The following PKD1L1 variants were observed in gnomAD, a reference collection of about 807,000 sequenced individuals.
PKD1L1 encodes the protein polycystin-1-like protein 1.
Under a neutral mutation model 323.4 loss-of-function variants are expected in PKD1L1, and 236 were observed. The observed-to-expected ratio is 0.73, with a 90% CI of 0.66 to 0.81. PKD1L1 has a LOEUF of 0.81. Ranked by LOEUF, PKD1L1 falls within the 40% of genes least tolerant of loss-of-function variation. The pLI, the probability that PKD1L1 is intolerant of heterozygous loss-of-function variation, is 0.00. For missense variants in PKD1L1, 3,320 were observed against 3,508.0 expected (o/e 0.95, Z 1.35); for synonymous variants, 1,344 against 1,335.0 (o/e 1.01, Z -0.15).
chr7:47,877,384 G>T, intron 22 of PKD1L1, 105 bp downstream of exon 22: 7 of 1,458,484 alleles, frequency 4.8e-6, no homozygotes, highest in Non-Finnish European at 6.6e-6. Flanking sequence ...TCCTTCACAG[G>T]TGGGAAGGAC....
intron 20 of PKD1L1, among the ~76,000 whole-genome samples, chr7:47,881,230 C>T (rs569451960): frequency 4.6e-5 from 7 of 152,052 alleles, no homozygotes; most frequent in Admixed American, 3.3e-4. Flanking sequence ...AACTGCTGAC[C>T]GTGGTGACTG....
chr7:47,823,202 T>C (rs980792105), intron 45 of PKD1L1, among the ~76,000 whole-genome samples: 1 of 152,224 alleles, frequency 6.6e-6, no homozygotes, highest in African/African-American at 2.4e-5. Flanking sequence ...CGAGTTTTCA[T>C]AGATACCCTT....
In PKD1L1 at chr7:47,941,117, C is replaced by G. The variant is rs568595304; in HGVS notation, c.161-800G>C. ...TGCCTTGGGTGCAAGAGCTGCTTTC[C>G]CTGAAGCCCCCACCCCTCTCATCCC... On this transcript the variant is annotated intron_variant, in intron 2 of 56. Transcript: ENST00000289672. 4.6e-5 allele frequency among the ~76,000 whole-genome samples: 7 copies of G among 152,328 alleles called. No individual in the cohort carries two copies. The South Asian group carries it at 1.4e-3, about 32-fold the overall frequency.
intron 2 of PKD1L1, among the ~76,000 whole-genome samples, chr7:47,941,893 A>G (rs1787992876): frequency 6.6e-6 from 1 of 152,280 alleles, no homozygotes; most frequent in African/African-American, 2.4e-5. Flanking sequence ...AAAGTATGTC[A>G]CAAAAGGAGA....
At chr7:47,958,659 G>C in the PKD1L1 span, among the ~76,000 whole-genome samples, 13 of 152,308 alleles carry the variant, frequency 8.5e-5, no homozygotes, top group African/African-American at 3.1e-4. Context: ...ACAACCTATA[G>C]AATGGGAGAA....
rs6463451 is a variant in PKD1L1 at position 47,830,153 on chromosome 7, C to T, written c.6474-29G>A. On this transcript the variant is annotated intron_variant, in intron 42 of 56. Transcript: ENST00000289672. The stretch of plus-strand genomic sequence containing the variant: ...CCCCCAGGGAAAGTGCAGTGGTCAG[C>T]CCCCTCTAAGGGAGCAGGCCACCCA... The T allele has an allele frequency of 0.42, 676,530 of 1,598,396 alleles. 146,857 individuals carry two copies. The highest frequency in any genetic ancestry group is 0.64 in the East Asian group (28,600 of 44,704).
Position 47,899,955 on chromosome 7 carries a change from C to CA in PKD1L1, c.2065-1762dup, listed in dbSNP as rs10639721. ...TAGGCAACAGAGCGAGACTCCATCC[C>CA]AAAAAAAAAAAAAATCGGAAAGGGA... is the stretch of plus-strand genomic sequence containing the variant. On this transcript the variant is annotated intron_variant, in intron 13 of 56. Transcript: ENST00000289672. 3.2e-3 allele frequency among the ~76,000 whole-genome samples: 336 copies of CA among 106,466 alleles called. 5 individuals carry two copies. The highest frequency in any genetic ancestry group is 0.014 in the South Asian group (45 of 3,228). The allele number at this position is 106,466 out of a possible 152,430, so 69.8% of individuals were successfully genotyped here. A position where few individuals can be genotyped will look rare whatever the true frequency, so the allele number is the denominator to read the frequency against.
Position 47,813,240 on chromosome 7 carries a change from G to A in PKD1L1, c.7227C>T (p.Pro2409=), listed in dbSNP as rs148228674. ...AGGGGTTCTCAGGGCCTCCAACTTCGGGACTACATGTAGGAATAGAGTCTT... is the reference window on the plus strand; with the variant it reads ...AGGGGTTCTCAGGGCCTCCAACTTCAGGACTACATGTAGGAATAGAGTCTT... ...LIEDSIPTCS[P]EVGGPENPYL... is the part of the protein sequence containing the mutation. Residue 2409 remains proline (P), a synonymous_variant, in exon 49 of 57, where the codon CCC becomes CCT. Transcript: ENST00000289672. 3.0e-5 allele frequency: 49 copies of A among 1,613,998 alleles called. No individual in the cohort carries two copies. The highest frequency in any genetic ancestry group is 1.3e-4 in the Admixed American group (8 of 60,004).
chr7:47,951,851 C>T (rs2128761249), upstream of PKD1L1, among the ~76,000 whole-genome samples: 1 of 152,326 alleles, frequency 6.6e-6, no homozygotes, highest in South Asian at 2.1e-4. Flanking sequence ...TCAATGCAAG[C>T]CCAGGTTCTG....
In PKD1L1 at chr7:47,792,756, A is replaced by T. The variant is rs761875478; in HGVS notation, c.8397T>A (p.Leu2799=). 6.2e-7 allele frequency: 1 copy of T among 1,613,878 alleles called. No homozygotes were observed. Among genetic ancestry groups the T allele is most frequent in the Non-Finnish European group, 8.5e-7 (1 of 1,179,976 alleles). ...CGGACAAACCATTAATCTTCATCAG[A>T]AGTTCGTCTAACAGATTTGCAAATT... ...LDEFANLLDE[L]LMKINGLSDS... Residue 2799 remains leucine (L), a synonymous_variant, in exon 56 of 57, where the codon CTT becomes CTA. Transcript: ENST00000289672.
Position 47,940,335 on chromosome 7 carries a change from A to AT in PKD1L1, c.161-19_161-18insA, listed in dbSNP as rs780272124. Reference sequence around the variant, plus strand: ...ATAGACCTCTAGAGAAAAAAAAAAAAGCAAACATTCTGAAGACTGCAATGT... The same window carrying AT: ...ATAGACCTCTAGAGAAAAAAAAAAAATGCAAACATTCTGAAGACTGCAATGT... On this transcript the variant is annotated intron_variant, in intron 2 of 56. Transcript: ENST00000289672. 1.3e-5 allele frequency: 21 copies of AT among 1,603,664 alleles called. No individual in the cohort carries two copies. The highest frequency in any genetic ancestry group is 3.4e-5 in the Admixed American group (2 of 58,682).
At chr7:47,835,931 A>G (rs925040053) in intron 37 of PKD1L1, among the ~76,000 whole-genome samples, 1 of 152,162 alleles carries the variant, frequency 6.6e-6, no homozygotes, top group Non-Finnish European at 1.5e-5. Context: ...TGCTCCATGG[A>G]TGGAATCATG....
chr7:47,791,112 C>G (rs1242871681), intron 56 of PKD1L1, among the ~76,000 whole-genome samples: 2 of 152,028 alleles, frequency 1.3e-5, no homozygotes, highest in African/African-American at 4.8e-5. Flanking sequence ...GTGTATATCT[C>G]TTTTCCAGTA....
rs1337439691 is a variant in PKD1L1 at position 47,789,864 on chromosome 7, T to G, written c.8526+2763A>C. Reference sequence around the variant, plus strand: ...AGTAAATACTATCCATTTTTTCTCCTCTGTATAAATCCTCTATTTTATTTT... The same window carrying G: ...AGTAAATACTATCCATTTTTTCTCCGCTGTATAAATCCTCTATTTTATTTT... On this transcript the variant is annotated intron_variant, in intron 56 of 56. Transcript: ENST00000289672. 2.0e-5 allele frequency among the ~76,000 whole-genome samples: 3 copies of G among 152,176 alleles called. No individual in the cohort carries two copies. In the East Asian group the frequency reaches 5.8e-4, roughly 29 times the overall value.
chr7:47,915,346 C>A (rs1213331791), intron 8 of PKD1L1, 86 bp downstream of exon 8: 2 of 732,534 alleles, frequency 2.7e-6, no homozygotes, highest in Admixed American at 3.9e-5. Flanking sequence ...TAATCAATGT[C>A]ATCTGTGTAA....
At chr7:47,862,168 T>A (rs1786045641) in intron 26 of PKD1L1, among the ~76,000 whole-genome samples, 2 of 151,486 alleles carry the variant, frequency 1.3e-5, no homozygotes, top group Non-Finnish European at 1.5e-5. Context: ...ACACTCCAGC[T>A]TGGGCGACAG....
intron 56 of PKD1L1, among the ~76,000 whole-genome samples, chr7:47,778,202 G>C (rs1786612417): frequency 6.6e-6 from 1 of 152,196 alleles, no homozygotes; most frequent in African/African-American, 2.4e-5. Flanking sequence ...GGTGGTGGGG[G>C]CTGATGGGGC....
chr7:47,833,029 C>T (rs369181408), intron 41 of PKD1L1, 61 bp downstream of exon 41: 2 of 1,540,196 alleles, frequency 1.3e-6, no homozygotes, highest in South Asian at 1.3e-5. Context: ...CCTGCCTCTC[C>T]CAATGGCTGC....
At chr7:47,788,578 T>TATA (rs372725570) in intron 56 of PKD1L1, among the ~76,000 whole-genome samples, 1,544 of 71,880 alleles carry the variant, frequency 0.021, 13 homozygotes, top group Non-Finnish European at 0.031. Flanking sequence ...TATATATATA[T>TATA]TTTTTTTTTT....
Sources: allele counts gnomAD v4.1 joint callset (sites outside exome capture counted in the v4.1 genomes callset), GRCh38; gene constraint gnomAD v4.1.1; transcripts MANE v1.5; gene names NCBI Gene and HGNC (gene_info 2026-07-23, HGNC 2026-07-21).